VWF: variants seen among roughly 807,000 people sequenced by gnomAD.
VWF encodes von Willebrand factor.
A neutral mutation model predicts 308.6 loss-of-function variants in VWF; 176 were observed. The ratio of observed to expected loss-of-function variants is 0.57; its 90% CI spans 0.50 to 0.65. The LOEUF (loss-of-function observed/expected upper bound fraction) is 0.65, where lower values mean the gene tolerates loss of function less well. Ranked by LOEUF, VWF falls within the 30% of genes least tolerant of loss-of-function variation. VWF has a pLI of 0.00. For synonymous variants in VWF, 1,385 were observed against 1,443.4 expected (o/e 0.96, Z 0.92); for missense variants, 3,146 against 3,648.2 (o/e 0.86, Z 3.55).
At chr12:5,988,975 T>C (rs555130076) in intron 38 of VWF, among the ~76,000 whole-genome samples, 1 of 152,336 alleles carries the variant, frequency 6.6e-6, no homozygotes, top group Non-Finnish European at 1.5e-5. Flanking sequence ...CAATTCATCA[T>C]GCACCACCCA....
intron 34 of VWF, among the ~76,000 whole-genome samples, chr12:6,003,066 G>A (rs1943889586): frequency 6.6e-6 from 1 of 151,992 alleles, no homozygotes; most frequent in African/African-American, 2.4e-5. Flanking sequence ...TAAAACAACT[G>A]TCTTAAAAAT....
At chr12:6,056,743 C>G (rs1310684049) in intron 15 of VWF, 114 bp downstream of exon 15, 1 of 953,628 alleles carries the variant, frequency 1.0e-6, no homozygotes. Context: ...GTGTTTGTCA[C>G]AATGCCCTAC....
At chr12:5,960,558 C>G (rs1943302655) in intron 47 of VWF, among the ~76,000 whole-genome samples, 1 of 152,132 alleles carries the variant, frequency 6.6e-6, no homozygotes, top group Non-Finnish European at 1.5e-5. Flanking sequence ...AAACCTAACA[C>G]TCTTAACATA....
Position 6,019,472 on chromosome 12 carries a change from C to G in VWF, c.3946G>C (p.Val1316Leu), listed in dbSNP as rs61749397. 1.2e-6 allele frequency: 2 copies of G among 1,613,946 alleles called. No homozygotes were observed. The highest frequency in any genetic ancestry group is 2.2e-5 in the South Asian group (2 of 91,080). Reference sequence around the variant, plus strand: ...CCGTCGTGGTACTCCACCACGGCCACGCGGACCCACTTCTGGGAGATGCGC... The same window carrying G: ...CCGTCGTGGTACTCCACCACGGCCAGGCGGACCCACTTCTGGGAGATGCGC... ...RLRISQKWVR[V>L]AVVEYHDGSH... Residue 1316 changes from valine to leucine, a missense_variant, in exon 28 of 52, where the codon GTG becomes CTG. Transcript: ENST00000261405. This position sits in a 1 kb window ranked among gnomAD's most constrained non-coding sequence, Gnocchi z 5.8.
intron 14 of VWF, 103 bp downstream of exon 14, chr12:6,057,740 TCCCCGC>T: frequency 7.4e-7 from 1 of 1,342,470 alleles, no homozygotes. Flanking sequence ...CTTTCCTCGC[TCCCCGC>T]CCCCGCCCTC....
chr12:6,056,368 T>C (rs1255183407), intron 15 of VWF, among the ~76,000 whole-genome samples: 1 of 149,412 alleles, frequency 6.7e-6, no homozygotes, highest in Non-Finnish European at 1.5e-5. Flanking sequence ...AGTGATGTAA[T>C]TCACCTTTAG....
rs998511215 is a variant in VWF, at chr12:6,068,839, T to C, written c.1156+2458A>G. On this transcript the variant is annotated intron_variant, in intron 10 of 51. Coordinates refer to ENST00000261405, the MANE Select transcript of VWF (RefSeq NM_000552.5). ...TTCCTTTTTTTTTTTTTTTTGCGTG[T>C]GTGTGTGTGTGTGTGTGTGTGTGTG... Among the ~76,000 whole-genome samples the C allele has an allele frequency of 3.3e-4, 31 of 93,018 alleles. No individual in the cohort carries two copies. The East Asian group carries it at 3.6e-3, about 11-fold the overall frequency. The allele number at this position is 93,018 out of a possible 152,430, so 61.0% of individuals were successfully genotyped here.
chr12:6,057,033 G>A lies in VWF; in HGVS notation c.1769C>T (p.Pro590Leu). Residue 590 changes from proline to leucine, a missense_variant, in exon 15 of 52, where the codon CCC becomes CTC. Coordinates refer to ENST00000261405, the MANE Select transcript of VWF (RefSeq NM_000552.5). Reference protein sequence around the residue: ...SEEACAVLTSPTFEACHRAVS... With the variant: ...SEEACAVLTSLTFEACHRAVS... ...GGCACGATGGCAGGCCTCGAATGTG[G>A]GGGACGTCAGGACCGCGCACGCCTC... 6.5e-7 allele frequency: 1 copy of A among 1,548,282 alleles called. No homozygotes were observed. Among genetic ancestry groups the A allele is most frequent in the Non-Finnish European group, 8.7e-7 (1 of 1,152,694 alleles).
intron 48 of VWF, 99 bp from the exon 49 acceptor site, chr12:5,952,618 T>C: frequency 6.8e-7 from 1 of 1,479,544 alleles, no homozygotes; most frequent in Non-Finnish European, 9.2e-7. Context: ...CGAAACAATC[T>C]GCAGAACCAT....
intron 47 of VWF, among the ~76,000 whole-genome samples, chr12:5,959,911 G>T (rs1943293078): frequency 6.6e-6 from 1 of 151,010 alleles, no homozygotes; most frequent in Admixed American, 6.6e-5. Flanking sequence ...ATATTAAGAT[G>T]CTAGTAAAAG....
At chr12:6,089,180 T>A (rs1945005329) in intron 6 of VWF, among the ~76,000 whole-genome samples, 1 of 152,356 alleles carries the variant, frequency 6.6e-6, no homozygotes, top group South Asian at 2.1e-4. Context: ...CTACACAGGC[T>A]GTGAACAATT....
At position 6,060,339 on chromosome 12, in the gene VWF, C is replaced by T. The variant is rs1315525490; in HGVS notation, c.1534-2295G>A. ...CTTGCTGCCTGGACCGCCAGCCCCA[C>T]GGGGACAAAGCGTACATAACACACC... On this transcript the variant is annotated intron_variant, in intron 13 of 51. Transcript: ENST00000261405. The surrounding 1 kb of genome is among the most constrained non-coding windows in gnomAD (Gnocchi z 5.1). 2.0e-5 allele frequency among the ~76,000 whole-genome samples: 3 copies of T among 152,092 alleles called. No homozygotes were observed. Among genetic ancestry groups the T allele is most frequent in the South Asian group, 4.1e-4 (2 of 4,824 alleles).
chr12:6,101,372 G>A (rs1262486501), intron 5 of VWF, among the ~76,000 whole-genome samples: 1 of 151,680 alleles, frequency 6.6e-6, no homozygotes, highest in Admixed American at 6.6e-5. Context: ...TCACCAACCA[G>A]CATGAGCACA....
intron 3 of VWF, among the ~76,000 whole-genome samples, chr12:6,120,781 A>T (rs1166690056): frequency 6.6e-6 from 1 of 152,184 alleles, no homozygotes; most frequent in African/African-American, 2.4e-5. Flanking sequence ...AGTCCTCAGC[A>T]TAAGCTGATG....
At chr12:5,960,078 A>C (rs1255666142) in intron 47 of VWF, among the ~76,000 whole-genome samples, 1 of 148,118 alleles carries the variant, frequency 6.8e-6, no homozygotes, top group Non-Finnish European at 1.5e-5. Context: ...ATATAATAAT[A>C]ATTAATATAT....
intron 43 of VWF, among the ~76,000 whole-genome samples, chr12:5,975,873 C>T (rs1943526937): frequency 6.6e-6 from 1 of 152,188 alleles, no homozygotes; most frequent in South Asian, 2.1e-4. Flanking sequence ...AACCCCCTCC[C>T]TCTTCCTCAC....
chr12:6,122,988 G>A (rs1191282200), intron 2 of VWF, 154 bp downstream of exon 2: 8 of 911,476 alleles, frequency 8.8e-6, no homozygotes, highest in African/African-American at 1.6e-5. Flanking sequence ...GTCAAGGGTG[G>A]GAACTCCGCA....
Position 6,057,980 on chromosome 12 carries a change from T to C in VWF, c.1598A>G (p.Asp533Gly). 1 of 1,613,610 alleles carries C rather than the reference T, an allele frequency of 6.2e-7. No individual in the cohort carries two copies. The highest frequency in any genetic ancestry group is 8.5e-7 in the Non-Finnish European group (1 of 1,180,022). The part of the protein sequence containing the change: ...LCGNYNGNQG[D>G]DFLTPSGLAE... ...CAGCCCAGAGGGGGTAAGGAAGTCGTCGCCCTGGTTGCCATTGTAATTCCC... is the reference window on the plus strand; with the variant it reads ...CAGCCCAGAGGGGGTAAGGAAGTCGCCGCCCTGGTTGCCATTGTAATTCCC... Residue 533 changes from aspartate (D) to glycine (G), a missense_variant, in exon 14 of 52, where the codon GAC becomes GGC. Asp to Gly is a moderately conservative substitution (Grantham distance 94, BLOSUM62 -1). Around this residue, in one of 3 missense-constraint regions of VWF, gnomAD observed 1,304 missense variants for 1,353.0 expected, o/e 0.96. Coordinates refer to ENST00000261405, the MANE Select transcript of VWF (RefSeq NM_000552.5).
At chr12:5,990,956 A>C (rs902272749) in intron 38 of VWF, among the ~76,000 whole-genome samples, 3 of 150,502 alleles carry the variant, frequency 2.0e-5, no homozygotes, top group African/African-American at 4.9e-5. Context: ...AAAAAGATGC[A>C]GCAAAAGGGC....
Sources: allele counts gnomAD v4.1 joint callset (sites outside exome capture counted in the v4.1 genomes callset), GRCh38; gene constraint gnomAD v4.1.1; regional missense constraint gnomAD v4.1.1; non-coding constraint Gnocchi (gnomAD v3.1); transcripts MANE v1.5; gene names NCBI Gene and HGNC (gene_info 2026-07-23, HGNC 2026-07-21).